GART: variants seen among roughly 807,000 people sequenced by gnomAD.
GART encodes the protein phosphoribosylglycinamide formyltransferase, phosphoribosylglycinamide synthetase, phosphoribosylaminoimidazole synthetase.
A neutral mutation model predicts 107.2 loss-of-function variants in GART; 43 were observed. The observed-to-expected ratio is 0.40, with a 90% CI of 0.31 to 0.52. The LOEUF (loss-of-function observed/expected upper bound fraction) is 0.52, where lower values mean the gene tolerates loss of function less well. GART is among the 20% of genes least tolerant of loss of function. GART has a pLI of 0.52. For synonymous variants in GART, 434 were observed against 427.0 expected, an observed-to-expected ratio of 1.02 and a Z score of -0.20; for missense variants, 1,107 against 1,206.5, an observed-to-expected ratio of 0.92 and a Z score of 1.22.
rs2085040994 is a variant in GART, at chr21:33,524,883, T to C, written c.1184A>G (p.Asn395Ser). 9 of 1,614,028 alleles carry C rather than the reference T, an allele frequency of 5.6e-6. No individual in the cohort carries two copies. Among genetic ancestry groups the C allele is most frequent in the Non-Finnish European group, 6.8e-6 (8 of 1,180,026 alleles). The change falls in exon 11 of 22, where the codon AAT (asparagine) becomes AGT (serine). Residue 395 changes from asparagine (N) to serine (S), a missense_variant. Physicochemically the swap from Asn to Ser is conservative, Grantham distance 46. Transcript: ENST00000381815. ...RVLAVTAIRE[N>S]LISALEEAKK... ...GGCTTCCTCAAGGGCTGATATGAGA[T>C]TTTCCCGGATGGCTGTGACTGCAAG...
chr21:33,538,527 G>A lies in GART; in HGVS notation c.145+644C>T, dbSNP rs369931686. On this transcript the variant is annotated intron_variant, in intron 2 of 21. Transcript: ENST00000381815. ...GGATTGTAAGCGTGAGCCACTGCAC[G>A]TGGCCGCAAGTTGTATTTAATAGCA... Among the ~76,000 whole-genome samples the A allele has an allele frequency of 1.4e-4, 21 of 152,042 alleles. 1 individual carries two copies. The highest frequency in any genetic ancestry group is 1.0e-3 in the Admixed American group (16 of 15,252).
intron 11 of GART, among the ~76,000 whole-genome samples, chr21:33,523,746 C>A (rs772799162): frequency 6.6e-6 from 1 of 152,056 alleles, no homozygotes; most frequent in Non-Finnish European, 1.5e-5. Context: ...GCAGGCAGAT[C>A]ACCTGAGGTC....
intron 10 of GART, among the ~76,000 whole-genome samples, chr21:33,525,348 C>T (rs934801137): frequency 3.3e-5 from 5 of 151,996 alleles, no homozygotes; most frequent in African/African-American, 1.2e-4. Flanking sequence ...TGCTCCAAAC[C>T]CAGCAACAGA....
chr21:33,532,353 T>C lies in GART; in HGVS notation c.520A>G (p.Ile174Val). 1.9e-6 allele frequency: 3 copies of C among 1,612,612 alleles called. No individual in the cohort carries two copies. Among genetic ancestry groups the C allele is most frequent in the Non-Finnish European group, 2.5e-6 (3 of 1,178,892 alleles). ...KEEACKAVQEIMQEKAFGAAG... is the reference protein window; with the variant it reads ...KEEACKAVQEVMQEKAFGAAG... Reference sequence around the variant, plus strand: ...CAGAAGACCCAGCCTACCTGCATGATCTCTTGTACAGCTTTGCAGGCCTCT... The same window carrying C: ...CAGAAGACCCAGCCTACCTGCATGACCTCTTGTACAGCTTTGCAGGCCTCT... The change falls in exon 5 of 22, where the codon ATC becomes GTC. Residue 174 changes from isoleucine (I) to valine (V), a missense_variant. Transcript: ENST00000381815.
At chr21:33,531,909 C>T (rs1472842313) in intron 5 of GART, 3 of 260,420 alleles carry the variant, frequency 1.2e-5, no homozygotes, top group African/African-American at 6.7e-5. Flanking sequence ...AATAACTATA[C>T]TAAAGCATGC....
At chr21:33,530,696 ATCTAAGAGTTC>A (rs1367436811) in intron 7 of GART, 52 bp downstream of exon 7, 4 of 1,319,480 alleles carry the variant, frequency 3.0e-6, no homozygotes, top group Non-Finnish European at 2.9e-6. Context: ...AGAAAGTATC[ATCTAAGAGTTC>A]TCTGAGAAAA....
chr21:33,524,938 C>T lies in GART; in HGVS notation c.1129G>A (p.Gly377Ser), dbSNP rs772152178. ...CTACCCCCATGAGTTACTACTTTGC[C>T]ATTTTTGAGGGCAGTGCCTGCATGG... The part of the protein sequence containing the change: ...VFHAGTALKN[G>S]KVVTHGGRVL... Residue 377 changes from glycine to serine, a missense_variant, in exon 11 of 22, where the codon GGC (glycine) becomes AGC (serine). By Grantham distance (56) the Gly-to-Ser change is moderately conservative. Transcript: ENST00000381815. 5 of 1,614,068 alleles carry T rather than the reference C, an allele frequency of 3.1e-6. No individual in the cohort carries two copies. In the East Asian group the frequency reaches 6.7e-5, roughly 22 times the overall value.
In GART at chr21:33,524,762, G is replaced by T; in HGVS notation, c.1298+7C>A. ...TGGCACTACAGCTAACTTGCTTAGA[G>T]TTTTACCTGGGCTGCTGGAGGAAAG... On this transcript the variant is annotated splice_region_variant and intron_variant, in intron 11 of 21. Transcript: ENST00000381815. 6.2e-7 allele frequency: 1 copy of T among 1,614,174 alleles called. No individual in the cohort carries two copies.
At chr21:33,516,105 G>T (rs1323118035) in intron 16 of GART, among the ~76,000 whole-genome samples, 1 of 151,714 alleles carries the variant, frequency 6.6e-6, no homozygotes, top group Admixed American at 6.6e-5. Context: ...AAAATTAGCC[G>T]GGCATGGTGG....
At chr21:33,509,539 G>C (rs1009579727) in intron 18 of GART, 4 of 363,076 alleles carry the variant, frequency 1.1e-5, no homozygotes, top group African/African-American at 8.3e-5. Context: ...ATGAGCTGTA[G>C]CTTCTATCTT....
At position 33,505,610 on chromosome 21, in the gene GART, A is replaced by G. The variant is rs372073267; in HGVS notation, c.2676T>C (p.Leu892=). 1.4e-4 allele frequency: 226 copies of G among 1,611,514 alleles called. No homozygotes were observed. The highest frequency in any genetic ancestry group is 1.9e-4 in the Non-Finnish European group (219 of 1,179,172). Residue 892 remains leucine, a synonymous_variant, in exon 20 of 22, where the codon CTT becomes CTC. Coordinates refer to ENST00000381815, the MANE Select transcript of GART (RefSeq NM_000819.5). ...CAGAAAGAATTCTCATGAATCCTGC[A>G]AGACAGACTATGTCTATGGAGAACT... The part of the protein sequence containing the change: ...LEEFSIDIVC[L]AGFMRILSGP...
Position 33,504,418 on chromosome 21 carries a change from A to G in GART, c.2835T>C (p.Phe945=). 4.3e-6 allele frequency: 7 copies of G among 1,613,514 alleles called. No individual in the cohort carries two copies. The African/African-American group carries it at 5.3e-5, about 12-fold the overall frequency. ...GVTVTGCTVH[F]VAEDVDAGQI... is the part of the protein sequence containing the mutation. Reference sequence around the variant, plus strand: ...TAGAAAAAGACATACTCACAGCTACAAAGTGTACAGTGCACCCAGTAACTG... The same window carrying G: ...TAGAAAAAGACATACTCACAGCTACGAAGTGTACAGTGCACCCAGTAACTG... Residue 945 remains phenylalanine (F), a synonymous_variant, in exon 21 of 22, where the codon TTT becomes TTC. Coordinates refer to ENST00000381815, the MANE Select transcript of GART (RefSeq NM_000819.5).
In GART at chr21:33,515,675, A is replaced by C. The variant is rs1035017421; in HGVS notation, c.2107+1314T>G. ...CTCAAAAAAAAAAAAAAAAAAAAAA[A>C]CGAAAAACAAAAAACAAAAAAGAAC... On this transcript the variant is annotated intron_variant, in intron 16 of 21. Transcript: ENST00000381815. Among the ~76,000 whole-genome samples, 16 of 148,186 alleles carry C rather than the reference A, an allele frequency of 1.1e-4. 1 individual carries two copies. The highest frequency in any genetic ancestry group is 3.9e-4 in the African/African-American group (16 of 40,534).
chr21:33,519,026 A>G (rs1463700656), intron 14 of GART: 1 of 262,540 alleles, frequency 3.8e-6, no homozygotes, highest in Non-Finnish European at 7.8e-6. Context: ...TCTTAAGGAG[A>G]ACTGAAGTTT....
chr21:33,529,276 T>C (rs778724705), intron 7 of GART, among the ~76,000 whole-genome samples: 2 of 152,220 alleles, frequency 1.3e-5, no homozygotes, highest in Non-Finnish European at 2.9e-5. Flanking sequence ...AGTCTATATA[T>C]GTAAGATTCT....
At position 33,520,357 on chromosome 21, in the gene GART, A is replaced by G; in HGVS notation, c.1702+7T>C. The G allele has an allele frequency of 6.2e-7, 1 of 1,613,232 alleles. No individual in the cohort carries two copies. The highest frequency in any genetic ancestry group is 8.5e-7 in the Non-Finnish European group (1 of 1,179,252). ...GACATGTTATTGATTAAAATGGCTG[A>G]TCATACCAAGGAGAGCACATCCAGC... On this transcript the variant is annotated splice_region_variant and intron_variant, in intron 14 of 21. Coordinates refer to ENST00000381815, the MANE Select transcript of GART (RefSeq NM_000819.5).
chr21:33,514,923 C>T (rs1601185074), intron 16 of GART, among the ~76,000 whole-genome samples: 1 of 152,188 alleles, frequency 6.6e-6, no homozygotes, highest in African/African-American at 2.4e-5. Flanking sequence ...CAGTTCTCTC[C>T]GAGCTTCACA....
intron 11 of GART, 143 bp downstream of exon 11, chr21:33,524,626 C>T: frequency 4.9e-6 from 7 of 1,426,636 alleles, no homozygotes; most frequent in South Asian, 3.1e-5. Flanking sequence ...AGTTTTGATT[C>T]AAACAAAATA....
At chr21:33,519,354 C>T (rs2084930041) in intron 14 of GART, among the ~76,000 whole-genome samples, 1 of 152,018 alleles carries the variant, frequency 6.6e-6, no homozygotes, top group Non-Finnish European at 1.5e-5. Context: ...GAGATTGAGA[C>T]CATCCTGGCT....
Sources: allele counts gnomAD v4.1 joint callset (sites outside exome capture counted in the v4.1 genomes callset), GRCh38; gene constraint gnomAD v4.1.1; transcripts MANE v1.5; gene names NCBI Gene and HGNC (gene_info 2026-07-23, HGNC 2026-07-21).